Variants in PRR5 observed in about 807,000 individuals in gnomAD.
PRR5 encodes proline rich 5, also known as proline-rich protein 5.
A neutral mutation model predicts 30.6 loss-of-function variants in PRR5; 25 were observed. The ratio of observed to expected loss-of-function variants is 0.82; its 90% CI spans 0.60 to 1.14. The LOEUF (loss-of-function observed/expected upper bound fraction) is 1.14. Among genes scored for constraint, PRR5 ranks in the 50% most tolerant of loss-of-function variants. PRR5 has a pLI of 0.00. For missense variants in PRR5, 600 were observed against 547.1 expected, an observed-to-expected ratio of 1.10 and a Z score of -0.96; for synonymous variants, 286 against 247.1, an observed-to-expected ratio of 1.16 and a Z score of -1.48.
At position 44,737,463 on chromosome 22, in the gene PRR5, G is replaced by C. The variant is rs905993462; in HGVS notation, c.*216G>C. The C allele has an allele frequency of 8.9e-6, 9 of 1,010,940 alleles. No individual in the cohort carries two copies. The highest frequency in any genetic ancestry group is 1.2e-5 in the Non-Finnish European group (9 of 734,240). 62.6% of individuals were successfully genotyped at this position (1,010,940 alleles called of 1,614,324 possible). ...GTCTGTTTCAGGCATCTGAGTCGGC[G>C]TTTACCCAGGGGCCGGGCCAGAGAC... On this transcript the variant is annotated 3_prime_UTR_variant, in exon 8 of 8. Coordinates refer to ENST00000336985, the MANE Select transcript of PRR5 (RefSeq NM_181333.4).
At chr22:44,722,017 C>T (rs553831714) in intron 2 of PRR5, among the ~76,000 whole-genome samples, 2 of 152,220 alleles carry the variant, frequency 1.3e-5, no homozygotes, top group South Asian at 2.1e-4. Flanking sequence ...TGGTCCTTGG[C>T]GGACCAGAGG....
rs570905759 is a variant in PRR5, at chr22:44,671,968, G to C, written c.-11+3163G>C. 3.9e-5 allele frequency among the ~76,000 whole-genome samples: 6 copies of C among 152,370 alleles called. No individual in the cohort carries two copies. The East Asian group carries it at 1.2e-3, about 29-fold the overall frequency. ...TGTAGCCACGTGGTCTTGCTATACT[G>C]ATGTCTAGTGACATAGCCTTGTGGT... On this transcript the variant is annotated intron_variant, in intron 1 of 8. Transcript: ENST00000432186.
At chr22:44,721,329 C>T (rs1013595041) in intron 2 of PRR5, among the ~76,000 whole-genome samples, 2 of 152,094 alleles carry the variant, frequency 1.3e-5, no homozygotes. Flanking sequence ...TGGTGTACAC[C>T]CTATGTAAAT....
At chr22:44,736,563 A>T (rs1035744219) in intron 7 of PRR5, among the ~76,000 whole-genome samples, 5 of 152,198 alleles carry the variant, frequency 3.3e-5, no homozygotes, top group African/African-American at 1.2e-4. Flanking sequence ...GTCCTGTGTG[A>T]CCAGGCTGGG....
intron 1 of PRR5, among the ~76,000 whole-genome samples, chr22:44,693,489 C>G (rs1925464480): frequency 6.6e-6 from 1 of 151,658 alleles, no homozygotes; most frequent in African/African-American, 2.4e-5. Context: ...GCCAAGAATC[C>G]TTCAGCTTCT....
chr22:44,712,997 G>C (rs543753413), intron 1 of PRR5, among the ~76,000 whole-genome samples: 2 of 152,326 alleles, frequency 1.3e-5, no homozygotes, highest in African/African-American at 2.4e-5. Context: ...CATGGATAGG[G>C]ATGAGAAGGG....
At chr22:44,733,499 GGC>G (rs1922621295) in intron 6 of PRR5, among the ~76,000 whole-genome samples, 2 of 152,218 alleles carry the variant, frequency 1.3e-5, no homozygotes. Flanking sequence ...GCAAGGAAGG[GGC>G]GGCCAGTGTG....
At chr22:44,714,431 G>A (rs563471198) in intron 1 of PRR5, among the ~76,000 whole-genome samples, 160 bp from the exon 2 acceptor site, 1 of 152,172 alleles carries the variant, frequency 6.6e-6, no homozygotes, top group Non-Finnish European at 1.5e-5. Flanking sequence ...GGGCCGGGCT[G>A]GGGGTGCAGG....
At chr22:44,707,474 C>T (rs1569085344) in intron 1 of PRR5, among the ~76,000 whole-genome samples, 1 of 152,200 alleles carries the variant, frequency 6.6e-6, no homozygotes, top group Non-Finnish European at 1.5e-5. Context: ...CCGGCATGCC[C>T]TTGGCGGGCT....
chr22:44,678,273 C>T (rs1923945416), intron 1 of PRR5, among the ~76,000 whole-genome samples: 1 of 151,124 alleles, frequency 6.6e-6, no homozygotes. Flanking sequence ...TGTTCCTATG[C>T]CTAGTCTGAT....
rs781333645 is a variant in PRR5, at chr22:44,726,586, CT to C, written c.275del (p.Leu92ArgfsTer6). 1.9e-6 allele frequency: 3 copies of C among 1,614,106 alleles called. No homozygotes were observed. In the East Asian group the frequency reaches 6.7e-5, roughly 36 times the overall value. Reference protein sequence around the residue: ...FFTEYLQNQLLTKGMVILRDK... With the variant: ...FFTEYLQNQLXTKGMVILRDK... ...CTGTGTTTACCTTCAGAACCAGCTG[CT>C]GACAAAAGGCATGGTGATCCTTCGG... On this transcript the variant is annotated frameshift_variant, in exon 4 of 8. Coordinates refer to ENST00000336985, the MANE Select transcript of PRR5 (RefSeq NM_181333.4). LOFTEE classifies it high-confidence loss of function.
upstream of PRR5, among the ~76,000 whole-genome samples, chr22:44,698,848 T>TC (rs920691836): frequency 1.1e-4 from 16 of 152,186 alleles, no homozygotes; most frequent in African/African-American, 3.6e-4. Context: ...CCGCCCTTTG[T>TC]CCCCCAGTTG....
intron 1 of PRR5, among the ~76,000 whole-genome samples, chr22:44,683,035 G>T (rs562885947): frequency 1.6e-4 from 24 of 152,360 alleles, no homozygotes; most frequent in African/African-American, 5.3e-4. Context: ...TGAAGGGTGA[G>T]CATGTGGACA....
At chr22:44,681,023 C>T (rs954261975) in intron 1 of PRR5, among the ~76,000 whole-genome samples, 4 of 152,212 alleles carry the variant, frequency 2.6e-5, no homozygotes, top group African/African-American at 7.2e-5. Flanking sequence ...CAGACTAGCA[C>T]GGCAGCGGCT....
intron 1 of PRR5, among the ~76,000 whole-genome samples, chr22:44,685,594 C>A (rs1381028435): frequency 8.1e-6 from 1 of 123,790 alleles, no homozygotes; most frequent in African/African-American, 3.1e-5. Flanking sequence ...GAAAGCCACA[C>A]CCTCTCCCCA....
upstream of PRR5, among the ~76,000 whole-genome samples, chr22:44,697,279 G>C (rs1363589508): frequency 4.6e-5 from 7 of 152,222 alleles, no homozygotes; most frequent in Non-Finnish European, 7.3e-5. Context: ...CCCTGACTCA[G>C]GAACCTCCTT....
At chr22:44,675,762 GTTATTATTATTATTATTA>G (rs150864660), upstream of PRR5, among the ~76,000 whole-genome samples, 114 of 142,964 alleles carry the variant, frequency 8.0e-4, 1 homozygote, top group African/African-American at 2.7e-3. Flanking sequence ...TGTTGCTGTT[GTTATTATTATTATTATTA>G]TTATTATTAT....
intron 1 of PRR5, among the ~76,000 whole-genome samples, chr22:44,707,622 A>G (rs900046146): frequency 1.3e-5 from 2 of 152,200 alleles, no homozygotes; most frequent in African/African-American, 4.8e-5. Context: ...GCAGGCCCCA[A>G]AATGCCATGA....
intron 1 of PRR5, among the ~76,000 whole-genome samples, chr22:44,688,843 C>T (rs910971265): frequency 2.6e-5 from 4 of 152,044 alleles, no homozygotes; most frequent in African/African-American, 9.7e-5. Context: ...CAAAAATTAG[C>T]CGGGCATGGT....
Sources: allele counts gnomAD v4.1 joint callset (sites outside exome capture counted in the v4.1 genomes callset), GRCh38; gene constraint gnomAD v4.1.1; transcripts MANE v1.5; gene names NCBI Gene and HGNC (gene_info 2026-07-23, HGNC 2026-07-21).